BICRA: variants seen among roughly 807,000 people sequenced by gnomAD.
The protein encoded by BICRA is BRD4 interacting chromatin remodeling complex associated protein, also known as BRD4-interacting chromatin-remodeling complex-associated protein.
A neutral mutation model predicts 96.9 loss-of-function variants in BICRA; 31 were observed. That is an observed-to-expected ratio of 0.32 (90% confidence interval 0.24 to 0.43). The LOEUF is 0.43. Among genes scored for constraint, BICRA ranks in the 20% least tolerant of loss-of-function variants. The probability of loss-of-function intolerance (pLI) is 1.00; values close to 1 mark genes in which losing one functional copy is unlikely to be tolerated. For missense variants in BICRA, 2,283 were observed against 2,190.3 expected, an observed-to-expected ratio of 1.04 and a Z score of -0.84; for synonymous variants, 1,350 against 1,071.8, an observed-to-expected ratio of 1.26 and a Z score of -5.07.
At chr19:47,682,509 T>C (rs1289990899) in intron 7 of BICRA, among the ~76,000 whole-genome samples, 1 of 152,218 alleles carries the variant, frequency 6.6e-6, no homozygotes, top group Non-Finnish European at 1.5e-5. Context: ...TGGCCTCCTG[T>C]TGTCCTCCCA....
intron 7 of BICRA, among the ~76,000 whole-genome samples, chr19:47,685,792 C>T (rs574492759): frequency 0.025 from 2,825 of 113,994 alleles, 46 homozygotes; most frequent in Admixed American, 0.037. Flanking sequence ...TGTGTGCGCG[C>T]GCGCGCGCAT....
chr19:47,669,980 G>A (rs116060101), intron 1 of BICRA, among the ~76,000 whole-genome samples: 1 of 120,880 alleles, frequency 8.3e-6, no homozygotes, highest in African/African-American at 3.1e-5. Context: ...TTGAGACAGG[G>A]TCTCACTGTC....
At position 47,680,132 on chromosome 19, in the gene BICRA, C is replaced by A; in HGVS notation, c.962C>A (p.Ser321Ter). The A allele has an allele frequency of 6.6e-7, 1 of 1,526,024 alleles. No individual in the cohort carries two copies. The highest frequency in any genetic ancestry group is 2.1e-5 in the Admixed American group (1 of 47,644). The allele number at this position is 1,526,024 out of a possible 1,614,324, so 94.5% of individuals were successfully genotyped here. The change falls in exon 6 of 15, where the codon TCG becomes TAG. Residue 321 changes from serine (S) to a stop codon, truncating the protein, a stop_gained. Coordinates refer to ENST00000594866, the MANE Select transcript of BICRA (RefSeq NM_001394372.1). LOFTEE classifies it high-confidence loss of function. ...GCCTCGGCTCCCACCGGGACGCCCTCGGGACAGCCGCTGGCGGTGGCCCCA... is the reference window on the plus strand; with the variant it reads ...GCCTCGGCTCCCACCGGGACGCCCTAGGGACAGCCGCTGGCGGTGGCCCCA... ...GAASAPTGTP[S>*]GQPLAVAPGL...
chr19:47,634,273 C>T (rs1972265887), intron 1 of BICRA, among the ~76,000 whole-genome samples: 1 of 152,142 alleles, frequency 6.6e-6, no homozygotes, highest in South Asian at 2.1e-4. Flanking sequence ...GAGGCCATGG[C>T]TGGGATGAGG....
In BICRA at chr19:47,698,814, TC is replaced by T; in HGVS notation, c.3397+35del. ...CCTCCCCAGGACACGGCCCTATATG[TC>T]CCAGGGGACCCCAGCCCGTGGGGCG... is the stretch of plus-strand genomic sequence containing the variant. On this transcript the variant is annotated intron_variant, in intron 12 of 14. Coordinates refer to ENST00000594866, the MANE Select transcript of BICRA (RefSeq NM_001394372.1). The surrounding 1 kb of genome is among the most constrained non-coding windows in gnomAD (Gnocchi z 4.8). 1 of 1,554,036 alleles carries T rather than the reference TC, an allele frequency of 6.4e-7. No individual in the cohort carries two copies. Among genetic ancestry groups the T allele is most frequent in the Non-Finnish European group, 8.8e-7 (1 of 1,141,288 alleles).
At chr19:47,670,952 G>T (rs1046535330) in intron 2 of BICRA, among the ~76,000 whole-genome samples, 1 of 152,060 alleles carries the variant, frequency 6.6e-6, no homozygotes, top group Non-Finnish European at 1.5e-5. Context: ...GCGAGAGCCC[G>T]GGAGGCACCT....
At chr19:47,633,637 C>T (rs538879082) in intron 1 of BICRA, among the ~76,000 whole-genome samples, 3 of 152,302 alleles carry the variant, frequency 2.0e-5, no homozygotes, top group South Asian at 2.1e-4. Flanking sequence ...AGCCAGGTTC[C>T]TCTGACCCAG....
intron 7 of BICRA, among the ~76,000 whole-genome samples, chr19:47,693,153 T>G (rs1363495513): frequency 6.6e-6 from 1 of 152,224 alleles, no homozygotes; most frequent in Non-Finnish European, 1.5e-5. Context: ...AGTATCACGG[T>G]GCCAGCCCAG....
intron 5 of BICRA, among the ~76,000 whole-genome samples, chr19:47,678,595 A>G (rs1362387398): frequency 6.6e-6 from 1 of 151,724 alleles, no homozygotes; most frequent in Non-Finnish European, 1.5e-5. Flanking sequence ...GCTGGGTCTT[A>G]CTCTTGTCAC....
At chr19:47,618,488 T>C (rs1405841810) in intron 1 of BICRA, among the ~76,000 whole-genome samples, 5 of 152,148 alleles carry the variant, frequency 3.3e-5, no homozygotes, top group East Asian at 1.9e-4. Context: ...AGTGTTGTTA[T>C]TGCTTCTGTG....
At chr19:47,689,464 G>T (rs777193453) in intron 7 of BICRA, among the ~76,000 whole-genome samples, 3 of 152,096 alleles carry the variant, frequency 2.0e-5, no homozygotes, top group African/African-American at 7.2e-5. Context: ...AGGCTGGAGT[G>T]CAGTGGCAAG....
rs1973470966 is a variant in BICRA at position 47,702,211 on chromosome 19, G to A, written c.4479G>A (p.Gln1493=). The stretch of plus-strand genomic sequence containing the variant: ...CCAGCTTCTCCAGCGACAGCCCGCA[G>A]GATGACACGCTCACCGAGCACCTGC... The part of the protein sequence containing the change: ...DQASFSSDSP[Q]DDTLTEHLQS... The change falls in exon 15 of 15, where the codon CAG becomes CAA. Residue 1493 remains glutamine, a synonymous_variant. Coordinates refer to ENST00000594866, the MANE Select transcript of BICRA (RefSeq NM_001394372.1). The A allele has an allele frequency of 1.3e-6, 2 of 1,597,458 alleles. No homozygotes were observed. Among genetic ancestry groups the A allele is most frequent in the Non-Finnish European group, 1.7e-6 (2 of 1,177,144 alleles).
chr19:47,661,312 C>T (rs760546289), intron 1 of BICRA, among the ~76,000 whole-genome samples: 2 of 151,822 alleles, frequency 1.3e-5, no homozygotes, highest in Non-Finnish European at 2.9e-5. Context: ...GCCAAGGGCT[C>T]ATGGGACAGA....
In BICRA at chr19:47,701,833, G is replaced by A. The variant is rs751340974; in HGVS notation, c.4101G>A (p.Pro1367=). ...GQMNGTVDHP[P]PAAPERKPLG... ...TGAACGGCACGGTGGACCACCCGCC[G>A]CCTGCCGCCCCCGAGCGCAAGCCCC... The change falls in exon 15 of 15, where the codon CCG becomes CCA. Residue 1367 remains proline, a synonymous_variant. Transcript: ENST00000594866. The surrounding 1 kb of genome is among the most constrained non-coding windows in gnomAD (Gnocchi z 5.4). The A allele has an allele frequency of 1.4e-5, 22 of 1,523,174 alleles. No homozygotes were observed. In the Admixed American group the frequency reaches 1.6e-4, roughly 11 times the overall value. The allele number at this position is 1,523,174 out of a possible 1,614,324, so 94.4% of individuals were successfully genotyped here.
intron 7 of BICRA, 23 bp from the exon 8 acceptor site, chr19:47,694,092 C>CCA: frequency 7.1e-7 from 1 of 1,408,828 alleles, no homozygotes; most frequent in Admixed American, 3.0e-5. Flanking sequence ...CGCCCCTCCC[C>CCA]TCTCCCTCCC....
Position 47,675,931 on chromosome 19 carries a change from T to TTA in BICRA, c.150+15_150+16insTA. The TTA allele has an allele frequency of 2.5e-6, 4 of 1,581,718 alleles. No homozygotes were observed. The highest frequency in any genetic ancestry group is 2.6e-6 in the Non-Finnish European group (3 of 1,157,592). On this transcript the variant is annotated intron_variant, in intron 5 of 14. Transcript: ENST00000594866. This position sits in a 1 kb window ranked among gnomAD's most constrained non-coding sequence, Gnocchi z 4.7. ...AAGGTCCTGGGGTAAGTGCCGTGGC[T>TTA]CCCGATCATTGCCTGAGCTGTTGGG...
chr19:47,622,058 C>T (rs1377607893), intron 1 of BICRA, among the ~76,000 whole-genome samples: 1 of 151,960 alleles, frequency 6.6e-6, no homozygotes, highest in African/African-American at 2.4e-5. Flanking sequence ...CCTCTACCTC[C>T]CGGGTTCAAG....
At chr19:47,673,436 A>T in intron 2 of BICRA, 134 bp from the exon 3 acceptor site, 1 of 716,140 alleles carries the variant, frequency 1.4e-6, no homozygotes, top group Middle Eastern at 2.9e-4. Flanking sequence ...CCTTGTCCCC[A>T]TCTATCCCCA....
Position 47,679,851 on chromosome 19 carries a change from G to T in BICRA, c.681G>T (p.Ala227=). Residue 227 remains alanine, a synonymous_variant, in exon 6 of 15, where the codon GCG becomes GCT. Transcript: ENST00000594866. ...ATGGCAGCCCTGGGGGTGCCACGGC[G>T]GCCACACTGGGCCTGGCGCCCATCC... is the stretch of plus-strand genomic sequence containing the variant. ...LPNGSPGGAT[A]ATLGLAPIQV... 1 of 1,495,618 alleles carries T rather than the reference G, an allele frequency of 6.7e-7. No homozygotes were observed. 92.6% of individuals were successfully genotyped at this position (1,495,618 alleles called of 1,614,324 possible).
Sources: gnomAD v4.1 joint callset for allele counts (sites outside exome capture counted in the v4.1 genomes callset) on GRCh38, gnomAD v4.1.1 for gene constraint, Gnocchi (gnomAD v3.1) non-coding constraint, MANE v1.5 for transcripts, NCBI Gene and HGNC (gene_info 2026-07-23, HGNC 2026-07-21) for gene names.